Variants in INSYN2B observed in about 807,000 individuals in gnomAD.
The protein encoded by INSYN2B is protein INSYN2B.
In INSYN2B, 16 loss-of-function variants were observed where a neutral mutation model predicts 41.2. The observed-to-expected ratio is 0.39, with a 90% CI of 0.26 to 0.59. INSYN2B has a LOEUF of 0.59. Among genes scored for constraint, INSYN2B ranks in the 20% least tolerant of loss-of-function variants. INSYN2B has a pLI of 0.57. For missense variants in INSYN2B, 608 were observed against 646.4 expected (o/e 0.94, Z 0.64); for synonymous variants, 245 against 244.4 (o/e 1.00, Z -0.02).
chr5:169,906,278 A>C (rs971249281), intron 1 of INSYN2B, among the ~76,000 whole-genome samples: 4 of 152,268 alleles, frequency 2.6e-5, no homozygotes, highest in African/African-American at 7.2e-5. Context: ...ATGTAAAATG[A>C]GTATGATCAT....
intron 1 of INSYN2B, among the ~76,000 whole-genome samples, chr5:169,926,460 C>T (rs922763233): frequency 1.3e-5 from 2 of 152,166 alleles, no homozygotes; most frequent in African/African-American, 4.8e-5. Flanking sequence ...TTATGGTCTG[C>T]ATTGATCTTC....
intron 3 of INSYN2B, 21 bp downstream of exon 3, chr5:169,881,347 G>A (rs1341385628): frequency 2.6e-6 from 4 of 1,547,094 alleles, no homozygotes; most frequent in South Asian, 1.2e-5. Context: ...TACAGAGCAG[G>A]CCTCGCTTGT....
intron 1 of INSYN2B, among the ~76,000 whole-genome samples, chr5:169,900,538 C>T (rs1773864364): frequency 1.3e-5 from 2 of 152,162 alleles, no homozygotes; most frequent in South Asian, 4.2e-4. Flanking sequence ...CATCTTAAAG[C>T]TTAGGCAAGC....
At position 169,890,067 on chromosome 5, in the gene INSYN2B, G is replaced by A. The variant is rs143424108; in HGVS notation, c.-918-5251C>T. 7.2e-5 allele frequency among the ~76,000 whole-genome samples: 11 copies of A among 152,324 alleles called. 1 individual carries two copies. The East Asian group carries it at 1.5e-3, about 21-fold the overall frequency. On this transcript the variant is annotated intron_variant, in intron 1 of 3. Transcript: ENST00000377365. ...GCATTATCCCTGTTTTAAAGAAGACGAATTCAATCCAGAAGGACTCGATGA... is the reference window on the plus strand; with the variant it reads ...GCATTATCCCTGTTTTAAAGAAGACAAATTCAATCCAGAAGGACTCGATGA...
intron 1 of INSYN2B, among the ~76,000 whole-genome samples, chr5:169,978,385 G>T (rs1777796615): frequency 1.7e-5 from 1 of 60,560 alleles, no homozygotes; most frequent in Non-Finnish European, 3.7e-5. Context: ...ATGTGTGTGT[G>T]TGTGTGTGGG....
intron 1 of INSYN2B, among the ~76,000 whole-genome samples, chr5:169,904,046 T>A (rs1239363785): frequency 2.7e-5 from 4 of 145,760 alleles, no homozygotes; most frequent in Non-Finnish European, 5.9e-5. Flanking sequence ...TGAGCCGAGA[T>A]CGTTCCATTG....
intron 3 of INSYN2B, among the ~76,000 whole-genome samples, chr5:169,866,375 G>T (rs11134594): frequency 5.3e-5 from 8 of 152,080 alleles, no homozygotes; most frequent in African/African-American, 1.9e-4. Context: ...TGAGATCTTG[G>T]GGAAGTCATT....
intron 1 of INSYN2B, among the ~76,000 whole-genome samples, chr5:169,889,933 G>A (rs975104086): frequency 5.9e-5 from 9 of 152,222 alleles, no homozygotes; most frequent in East Asian, 5.8e-4. Context: ...ACACATTGCC[G>A]TGTCCCTTCT....
Position 169,879,712 on chromosome 5 carries a change from C to T in INSYN2B, c.1421+1656G>A, listed in dbSNP as rs143973863. ...TAGCCAAATATTGTCACTTTTAATT[C>T]GGTTTAGAATATCAGAATGTCAGAA... is the stretch of plus-strand genomic sequence containing the variant. On this transcript the variant is annotated intron_variant, in intron 3 of 3. Transcript: ENST00000377365. Among the ~76,000 whole-genome samples the T allele has an allele frequency of 3.1e-4, 47 of 152,190 alleles. No homozygotes were observed. The East Asian group carries it at 4.3e-3, about 14-fold the overall frequency.
chr5:169,953,330 C>T (rs1350013134), intron 1 of INSYN2B, among the ~76,000 whole-genome samples: 1 of 116,186 alleles, frequency 8.6e-6, no homozygotes, highest in Non-Finnish European at 1.8e-5. Context: ...AAGACTCTAT[C>T]TCAAAAAAAA....
rs1771232307 is a variant in INSYN2B at position 169,862,016 on chromosome 5, T to A, written c.*2257A>T. Among the ~76,000 whole-genome samples the A allele has an allele frequency of 6.6e-6, 1 of 152,032 alleles. No homozygotes were observed. On this transcript the variant is annotated 3_prime_UTR_variant, in exon 4 of 4. Coordinates refer to ENST00000377365, the MANE Select transcript of INSYN2B (RefSeq NM_001129891.3). ...TTTATTTAATTCAGTTAAGGGTTCA[T>A]GTGAGGGCCTCAACTGGAAACATAT...
At chr5:169,880,120 G>T (rs1193382483) in intron 3 of INSYN2B, among the ~76,000 whole-genome samples, 1 of 152,212 alleles carries the variant, frequency 6.6e-6, no homozygotes, top group Non-Finnish European at 1.5e-5. Context: ...TTCTGCTTAG[G>T]CTTTCCAATG....
intron 1 of INSYN2B, among the ~76,000 whole-genome samples, chr5:169,948,033 C>G (rs1776514790): frequency 6.6e-6 from 1 of 152,106 alleles, no homozygotes; most frequent in Admixed American, 6.6e-5. Context: ...GGGGCTGATC[C>G]TACCTTCAGG....
chr5:169,961,111 C>A (rs1777069931), intron 1 of INSYN2B, among the ~76,000 whole-genome samples: 1 of 152,198 alleles, frequency 6.6e-6, no homozygotes, highest in African/African-American at 2.4e-5. Flanking sequence ...CAACCTGTTG[C>A]CCATTTGCAA....
At chr5:169,907,915 C>T (rs1051457624) in intron 1 of INSYN2B, among the ~76,000 whole-genome samples, 13 of 152,312 alleles carry the variant, frequency 8.5e-5, no homozygotes, top group East Asian at 3.9e-4. Context: ...CAGTCCGTGT[C>T]GGTAAACATC....
intron 1 of INSYN2B, among the ~76,000 whole-genome samples, chr5:169,942,688 A>C (rs976616064): frequency 1.3e-5 from 2 of 152,290 alleles, no homozygotes; most frequent in East Asian, 1.9e-4. Context: ...TGCAAGCAGT[A>C]CAGAGAAATA....
chr5:169,875,349 C>A, intron 3 of INSYN2B: 1 of 456,488 alleles, frequency 2.2e-6, no homozygotes, highest in Non-Finnish European at 4.4e-6. Flanking sequence ...AGATGGTCCA[C>A]GACCACGCTT....
intron 1 of INSYN2B, among the ~76,000 whole-genome samples, chr5:169,965,220 T>C (rs1777252614): frequency 6.6e-6 from 1 of 152,222 alleles, no homozygotes; most frequent in Non-Finnish European, 1.5e-5. Flanking sequence ...GCTCCTTAAA[T>C]TTCCATGGGC....
At chr5:169,880,070 AT>A (rs1204008846) in intron 3 of INSYN2B, among the ~76,000 whole-genome samples, 1 of 152,214 alleles carries the variant, frequency 6.6e-6, no homozygotes, top group Non-Finnish European at 1.5e-5. Flanking sequence ...GTTAGAAGAT[AT>A]AAAAAAAGAA....
Sources: allele counts gnomAD v4.1 joint callset (sites outside exome capture counted in the v4.1 genomes callset), GRCh38; gene constraint gnomAD v4.1.1; transcripts MANE v1.5; gene names NCBI Gene and HGNC (gene_info 2026-07-23, HGNC 2026-07-21).